MTUS2: variants seen among roughly 807,000 people sequenced by gnomAD.
MTUS2 encodes microtubule associated scaffold protein 2.
A neutral mutation model predicts 114.1 loss-of-function variants in MTUS2; 40 were observed. The observed-to-expected ratio is 0.35, with a 90% confidence interval of 0.27 to 0.46. MTUS2 has a LOEUF of 0.46. Among genes scored for constraint, MTUS2 ranks in the 20% least tolerant of loss-of-function variants. The pLI is 1.00. For synonymous variants in MTUS2, 688 were observed against 672.0 expected (o/e 1.02, Z -0.37); for missense variants, 1,679 against 1,705.4 (o/e 0.98, Z 0.27).
chr13:29,388,697 A>AT (rs1287885987), intron 8 of MTUS2, among the ~76,000 whole-genome samples: 1 of 151,874 alleles, frequency 6.6e-6, no homozygotes, highest in Non-Finnish European at 1.5e-5. Context: ...AAAATTTAAA[A>AT]TAAAAAAAAT....
chr13:28,888,825 G>A (rs1217064842), intron 2 of MTUS2, among the ~76,000 whole-genome samples: 1 of 152,110 alleles, frequency 6.6e-6, no homozygotes, highest in Non-Finnish European at 1.5e-5. Context: ...TCGAGAGAGA[G>A]AATTGGTCCC....
intron 5 of MTUS2, among the ~76,000 whole-genome samples, chr13:29,187,865 C>A (rs1319762979): frequency 6.6e-6 from 1 of 152,140 alleles, no homozygotes; most frequent in African/African-American, 2.4e-5. Context: ...CCTCTGTCTT[C>A]ATTCATAATG....
chr13:29,269,744 A>G (rs1201483971), intron 5 of MTUS2, among the ~76,000 whole-genome samples: 3 of 152,206 alleles, frequency 2.0e-5, no homozygotes, highest in Non-Finnish European at 4.4e-5. Context: ...GGGGTCTCAA[A>G]GAGATATTTA....
chr13:29,169,110 G>T (rs1893445815), intron 5 of MTUS2, among the ~76,000 whole-genome samples: 1 of 151,838 alleles, frequency 6.6e-6, no homozygotes, highest in African/African-American at 2.4e-5. Flanking sequence ...GGCTTGCTGG[G>T]GTACAAAAGC....
Position 29,503,977 on chromosome 13 carries a change from AG to A in MTUS2, c.*772del, listed in dbSNP as rs1883075852. ...CCCTAAGGGGGTTTAGCAGTTTTGCAGATGTTACCCATGACAGTGACTCATC... is the reference window on the plus strand; with the variant it reads ...CCCTAAGGGGGTTTAGCAGTTTTGCAATGTTACCCATGACAGTGACTCATC... On this transcript the variant is annotated 3_prime_UTR_variant, in exon 16 of 16. Coordinates refer to ENST00000612955, the MANE Select transcript of MTUS2 (RefSeq NM_001033602.4). The A allele has an allele frequency of 4.3e-6, 1 of 231,436 alleles. No homozygotes were observed. The highest frequency in any genetic ancestry group is 1.8e-4 in the South Asian group (1 of 5,516). The allele number at this position is 231,436 out of a possible 1,614,324, so 14.3% of individuals were successfully genotyped here. A position where few individuals can be genotyped will look rare whatever the true frequency, so the allele number is the denominator to read the frequency against.
intron 2 of MTUS2, among the ~76,000 whole-genome samples, chr13:28,953,457 C>T (rs1882909827): frequency 1.3e-5 from 2 of 152,074 alleles, no homozygotes; most frequent in African/African-American, 2.4e-5. Context: ...TGCAGTGAGC[C>T]GAGACCAGGC....
intron 6 of MTUS2, among the ~76,000 whole-genome samples, chr13:29,295,156 A>T (rs1176060739): frequency 1.3e-5 from 2 of 151,810 alleles, no homozygotes; most frequent in Admixed American, 1.3e-4. Flanking sequence ...TTTAATTCAC[A>T]CAATTGTATG....
At chr13:29,412,010 G>T (rs936677333) in intron 8 of MTUS2, among the ~76,000 whole-genome samples, 1 of 152,092 alleles carries the variant, frequency 6.6e-6, no homozygotes, top group Non-Finnish European at 1.5e-5. Flanking sequence ...TAGTTACATT[G>T]TCATATTATG....
chr13:28,976,789 T>A (rs1248284484), intron 2 of MTUS2, among the ~76,000 whole-genome samples: 1 of 152,212 alleles, frequency 6.6e-6, no homozygotes, highest in Non-Finnish European at 1.5e-5. Context: ...CAGGAAGCTT[T>A]ATGTAAATGG....
At chr13:28,922,499 C>T (rs979723192) in intron 2 of MTUS2, among the ~76,000 whole-genome samples, 1 of 152,180 alleles carries the variant, frequency 6.6e-6, no homozygotes, top group African/African-American at 2.4e-5. Context: ...ACTCTGGCTC[C>T]ATTTGCTGGG....
intron 9 of MTUS2, among the ~76,000 whole-genome samples, chr13:29,469,357 G>A (rs192790428): frequency 2.0e-4 from 31 of 152,246 alleles, no homozygotes; most frequent in South Asian, 1.9e-3. Flanking sequence ...GGCCAGGCGT[G>A]GTGGCTCACG....
rs143862939 is a variant in MTUS2, at chr13:29,437,554, G to T, written c.3118-2429G>T. ...GAATGAGTATGTAATCCCTGTGATC[G>T]GTCTGATTAGAACATGTTCCCTGTT... is the stretch of plus-strand genomic sequence containing the variant. On this transcript the variant is annotated intron_variant, in intron 8 of 15. Coordinates refer to ENST00000612955, the MANE Select transcript of MTUS2 (RefSeq NM_001033602.4). Among the ~76,000 whole-genome samples, 31 of 152,206 alleles carry T rather than the reference G, an allele frequency of 2.0e-4. No individual in the cohort carries two copies. The East Asian group carries it at 5.2e-3, about 26-fold the overall frequency.
intron 2 of MTUS2, among the ~76,000 whole-genome samples, chr13:28,860,369 G>A (rs1261962802): frequency 6.6e-6 from 1 of 152,196 alleles, no homozygotes; most frequent in East Asian, 1.9e-4. Context: ...CTGAAGTGAT[G>A]TGAGCAGAGA....
intron 5 of MTUS2, among the ~76,000 whole-genome samples, chr13:29,110,642 C>T (rs1002660766): frequency 1.3e-5 from 2 of 152,028 alleles, no homozygotes; most frequent in African/African-American, 4.8e-5. Flanking sequence ...TTCTTTGCTT[C>T]CTTCCCACAC....
chr13:29,253,831 AG>A (rs1555257143), intron 5 of MTUS2, among the ~76,000 whole-genome samples: 4 of 100,904 alleles, frequency 4.0e-5, no homozygotes, highest in African/African-American at 2.5e-4. Context: ...CAGCAGGCAA[AG>A]AGAGAGAGAG....
At chr13:29,185,496 T>C (rs557638640) in intron 5 of MTUS2, among the ~76,000 whole-genome samples, 1 of 152,220 alleles carries the variant, frequency 6.6e-6, no homozygotes, top group East Asian at 1.9e-4. Flanking sequence ...AATTAAACCA[T>C]GAAGATCTGA....
chr13:28,889,245 A>G (rs1034196577), intron 2 of MTUS2, among the ~76,000 whole-genome samples: 1 of 152,188 alleles, frequency 6.6e-6, no homozygotes, highest in Non-Finnish European at 1.5e-5. Context: ...TGTTGGTTCC[A>G]TTGAAGGGGA....
At chr13:29,446,709 A>G (rs1232750158) in intron 9 of MTUS2, among the ~76,000 whole-genome samples, 1 of 152,186 alleles carries the variant, frequency 6.6e-6, no homozygotes, top group African/African-American at 2.4e-5. Flanking sequence ...AACGTGTTGG[A>G]TATTTATTCT....
chr13:29,138,014 C>T (rs1472867987), intron 5 of MTUS2, among the ~76,000 whole-genome samples: 1 of 152,130 alleles, frequency 6.6e-6, no homozygotes, highest in Non-Finnish European at 1.5e-5. Flanking sequence ...GGAGGTGGAA[C>T]ATCGGTGCCT....
Sources: allele counts gnomAD v4.1 joint callset (sites outside exome capture counted in the v4.1 genomes callset), GRCh38; gene constraint gnomAD v4.1.1; transcripts MANE v1.5; gene names NCBI Gene and HGNC (gene_info 2026-07-23, HGNC 2026-07-21).